PKHD1: variants seen among roughly 807,000 people sequenced by gnomAD.
PKHD1 encodes the protein PKHD1 ciliary IPT domain containing fibrocystin/polyductin.
Under a neutral mutation model 412.0 loss-of-function variants are expected in PKHD1, and 291 were observed. The ratio of observed to expected loss-of-function variants is 0.71; its 90% CI spans 0.64 to 0.78. PKHD1 has a LOEUF of 0.78. PKHD1 is among the 30% of genes least tolerant of loss of function. PKHD1 has a pLI of 0.00. For synonymous variants in PKHD1, 1,777 were observed against 1,821.5 expected (o/e 0.98, Z 0.62); for missense variants, 4,825 against 4,950.7 (o/e 0.97, Z 0.76).
intron 8 of PKHD1, 113 bp downstream of exon 8, chr6:52,072,002 T>A (rs963814750): frequency 3.6e-5 from 27 of 747,114 alleles, no homozygotes; most frequent in Non-Finnish European, 5.1e-5. Context: ...ATTTATATTT[T>A]AAAAAAACAG....
In PKHD1 at chr6:51,619,089, G is replaced by C; in HGVS notation, c.12217C>G (p.Gln4073Glu). ...GCCCCCAACTTCCCTGATCACAGTTGCTCCTGAATAGTTTCCGGGTGTACT... is the reference window on the plus strand; with the variant it reads ...GCCCCCAACTTCCCTGATCACAGTTCCTCCTGAATAGTTTCCGGGTGTACT... ...HSVHPETIQE[Q>E]L The change falls in exon 67 of 67, where the codon CAA becomes GAA. Residue 4073 changes from glutamine to glutamate, a missense_variant. Transcript: ENST00000371117. 1 of 1,613,990 alleles carries C rather than the reference G, an allele frequency of 6.2e-7. No individual in the cohort carries two copies.
chr6:51,826,860 A>G (rs1028655972), intron 52 of PKHD1, among the ~76,000 whole-genome samples: 1 of 152,130 alleles, frequency 6.6e-6, no homozygotes, highest in Non-Finnish European at 1.5e-5. Flanking sequence ...GTAAAGTCCT[A>G]TTTTTATGGA....
At chr6:51,918,446 TTTGA>T (rs1397780574) in intron 37 of PKHD1, among the ~76,000 whole-genome samples, 1 of 152,052 alleles carries the variant, frequency 6.6e-6, no homozygotes, top group African/African-American at 2.4e-5. Context: ...AGAACATGTG[TTTGA>T]TTTTCTGTCT....
intron 63 of PKHD1, among the ~76,000 whole-genome samples, chr6:51,641,380 G>A (rs1340651431): frequency 6.6e-6 from 1 of 152,156 alleles, no homozygotes; most frequent in Non-Finnish European, 1.5e-5. Context: ...AGTTAGAATG[G>A]CAATCATTAA....
At chr6:52,030,205 G>T (rs1025021547) in intron 29 of PKHD1, among the ~76,000 whole-genome samples, 1 of 152,188 alleles carries the variant, frequency 6.6e-6, no homozygotes, top group Non-Finnish European at 1.5e-5. Flanking sequence ...GATGTGGTGT[G>T]GTGGGAAGAC....
chr6:52,082,028 G>C (rs1812108372), intron 4 of PKHD1, among the ~76,000 whole-genome samples: 1 of 152,078 alleles, frequency 6.6e-6, no homozygotes, highest in African/African-American at 2.4e-5. Flanking sequence ...TAACCAGTTT[G>C]GGGTTTATGT....
chr6:51,711,662 G>A (rs1780675419), intron 60 of PKHD1, among the ~76,000 whole-genome samples: 1 of 152,100 alleles, frequency 6.6e-6, no homozygotes, highest in Non-Finnish European at 1.5e-5. Flanking sequence ...ATGAAAAAGA[G>A]TCACACAGTA....
chr6:51,891,712 A>AAC (rs58262423), intron 43 of PKHD1, among the ~76,000 whole-genome samples: 8,227 of 143,750 alleles, frequency 0.057, 342 homozygotes, highest in African/African-American at 0.11. Flanking sequence ...TTCCACAAGG[A>AAC]ACACACACAC....
intron 64 of PKHD1, among the ~76,000 whole-genome samples, chr6:51,633,584 C>G (rs1768185024): frequency 6.6e-6 from 1 of 152,062 alleles, no homozygotes; most frequent in Non-Finnish European, 1.5e-5. Context: ...AATTGATAAC[C>G]TGTAACAACT....
chr6:51,761,399 A>G (rs187477456), intron 55 of PKHD1, among the ~76,000 whole-genome samples: 1 of 152,116 alleles, frequency 6.6e-6, no homozygotes, highest in African/African-American at 2.4e-5. Context: ...ACTAGAGAGT[A>G]GAATGCAGGT....
At chr6:51,887,914 G>A (rs1368285893) in intron 43 of PKHD1, among the ~76,000 whole-genome samples, 1 of 152,110 alleles carries the variant, frequency 6.6e-6, no homozygotes, top group Non-Finnish European at 1.5e-5. Context: ...CTTAATAACT[G>A]GTATCTCATG....
intron 60 of PKHD1, among the ~76,000 whole-genome samples, chr6:51,680,018 A>G (rs115269387): frequency 6.6e-6 from 1 of 151,984 alleles, no homozygotes; most frequent in Non-Finnish European, 1.5e-5. Context: ...ATTGCATCTC[A>G]GTTTTCTCCT....
At chr6:51,777,414 T>C (rs1421445598) in intron 53 of PKHD1, among the ~76,000 whole-genome samples, 1 of 152,086 alleles carries the variant, frequency 6.6e-6, no homozygotes, top group South Asian at 2.1e-4. Context: ...GGTCAATGGG[T>C]GAGCAAGCCT....
At chr6:51,720,300 C>T (rs1245691852) in intron 60 of PKHD1, among the ~76,000 whole-genome samples, 2 of 152,036 alleles carry the variant, frequency 1.3e-5, no homozygotes, top group Non-Finnish European at 1.5e-5. Context: ...GTCTCCTCTG[C>T]AAAGAAAAAA....
At chr6:51,632,532 T>C in intron 65 of PKHD1, 33 bp downstream of exon 65, 1 of 1,584,672 alleles carries the variant, frequency 6.3e-7, no homozygotes, top group Non-Finnish European at 8.6e-7. Flanking sequence ...TTTTCAGAAA[T>C]TTTCATTCCA....
rs1785235770 is a variant in PKHD1, at chr6:51,746,708, C to G, written c.9998+13G>C. On this transcript the variant is annotated intron_variant, in intron 59 of 66. Transcript: ENST00000371117. ...TCATAAATATGGCTTATTATAAATA[C>G]TAAAAATTATACCTGGGTTGTAATG... 3.9e-6 allele frequency: 6 copies of G among 1,528,618 alleles called. No homozygotes were observed. Among genetic ancestry groups the G allele is most frequent in the Non-Finnish European group, 5.4e-6 (6 of 1,102,708 alleles). The allele number at this position is 1,528,618 out of a possible 1,614,324, so 94.7% of individuals were successfully genotyped here. A position where few individuals can be genotyped will look rare whatever the true frequency, so the allele number is the denominator to read the frequency against.
Position 52,050,015 on chromosome 6 carries a change from C to A in PKHD1, c.2279+142G>T, listed in dbSNP as rs1020113904. On this transcript the variant is annotated intron_variant, in intron 22 of 66. Transcript: ENST00000371117. The stretch of plus-strand genomic sequence containing the variant: ...ATTTTAACAATACTTCCAGGTGAAT[C>A]TGGTGCTGCATTCTCAAGATTGAGA... 1.8e-5 allele frequency: 14 copies of A among 783,738 alleles called. No homozygotes were observed. In the African/African-American group the frequency reaches 2.4e-4, roughly 13 times the overall value. 48.5% of individuals were successfully genotyped at this position (783,738 alleles called of 1,614,324 possible).
rs1276407168 is a variant in PKHD1 at position 51,847,770 on chromosome 6, C to T, written c.8107+5G>A. On this transcript the variant is annotated splice_donor_5th_base_variant and intron_variant, in intron 50 of 66. Transcript: ENST00000371117. ...CTCAAAACATTCATCCAATTGGATACTTACCCAGATAGGTGAGTTGCCTCA... is the reference window on the plus strand; with the variant it reads ...CTCAAAACATTCATCCAATTGGATATTTACCCAGATAGGTGAGTTGCCTCA... 2 of 1,599,128 alleles carry T rather than the reference C, an allele frequency of 1.3e-6. No individual in the cohort carries two copies. Among genetic ancestry groups the T allele is most frequent in the African/African-American group, 2.7e-5 (2 of 74,660 alleles).
At chr6:51,666,836 T>C (rs1247482693) in intron 60 of PKHD1, among the ~76,000 whole-genome samples, 3 of 151,926 alleles carry the variant, frequency 2.0e-5, no homozygotes, top group African/African-American at 7.3e-5. Context: ...AGAATGATGA[T>C]TTCCAATTTC....
Sources: gnomAD v4.1 joint callset for allele counts (sites outside exome capture counted in the v4.1 genomes callset) on GRCh38, gnomAD v4.1.1 for gene constraint, MANE v1.5 for transcripts, NCBI Gene and HGNC (gene_info 2026-07-23, HGNC 2026-07-21) for gene names.